TLE6: variants seen among roughly 807,000 people sequenced by gnomAD.
TLE6 encodes the protein transducin-like enhancer protein 6.
TLE6 carries 72 observed loss-of-function variants against 77.1 expected under a neutral mutation model. The observed-to-expected ratio is 0.93, with a 90% confidence interval of 0.77 to 1.14. The LOEUF is 1.14. TLE6 is among the 50% of genes most tolerant of loss of function. TLE6 has a pLI of 0.00. For synonymous variants in TLE6, 366 were observed against 287.3 expected (o/e 1.27, Z -2.77); for missense variants, 843 against 747.6 (o/e 1.13, Z -1.49).
Position 2,980,217 on chromosome 19 carries a change from T to TGGGAAG in TLE6, c.134+37_134+42dup, listed in dbSNP as rs1308715086. On this transcript the variant is annotated intron_variant, in intron 3 of 16. Coordinates refer to ENST00000246112, the MANE Select transcript of TLE6 (RefSeq NM_001143986.2). The stretch of plus-strand genomic sequence containing the variant: ...ATTCCAGGGGCCGGAGGTCTCACGC[T>TGGGAAG]GGGAAGGAGCCCCACCTGGCCTCTC... 3 of 1,526,134 alleles carry TGGGAAG rather than the reference T, an allele frequency of 2.0e-6. No individual in the cohort carries two copies. The East Asian group carries it at 7.4e-5, about 38-fold the overall frequency. The allele number at this position is 1,526,134 out of a possible 1,614,324, so 94.5% of individuals were successfully genotyped here. A position where few individuals can be genotyped will look rare whatever the true frequency, so the allele number is the denominator to read the frequency against.
chr19:2,987,993 C>T lies in TLE6; in HGVS notation c.702+19C>T. The T allele has an allele frequency of 1.9e-6, 3 of 1,605,944 alleles. No homozygotes were observed. The highest frequency in any genetic ancestry group is 2.6e-6 in the Non-Finnish European group (3 of 1,176,212). ...GGTCCAGGTGAGACCCAGGCCCGAG[C>T]TGGTAGCCCAGCGTGAAGGCTGCCC... On this transcript the variant is annotated intron_variant, in intron 10 of 16. Transcript: ENST00000246112.
At chr19:2,978,419 C>G in intron 2 of TLE6, 135 bp downstream of exon 2, 1 of 832,356 alleles carries the variant, frequency 1.2e-6, no homozygotes, top group South Asian at 1.6e-5. Flanking sequence ...CGCTGCTACA[C>G]TCAAGACAGG....
chr19:2,985,613 G>A (rs1189672844), intron 5 of TLE6, among the ~76,000 whole-genome samples: 2 of 145,860 alleles, frequency 1.4e-5, no homozygotes, highest in African/African-American at 5.0e-5. Context: ...TAGAGATGGA[G>A]TTTCACCATG....
chr19:2,994,101 G>A lies in TLE6; in HGVS notation c.1614+6G>A, dbSNP rs1473857299. The stretch of plus-strand genomic sequence containing the variant: ...CGGGGACAAAAGTGTTCGAGGTACT[G>A]CGGTGGGCTGGGGGCAGGACCCGGG... On this transcript the variant is annotated splice_donor_region_variant and intron_variant, in intron 16 of 16. Coordinates refer to ENST00000246112, the MANE Select transcript of TLE6 (RefSeq NM_001143986.2). 4 of 1,512,702 alleles carry A rather than the reference G, an allele frequency of 2.6e-6. No individual in the cohort carries two copies. The highest frequency in any genetic ancestry group is 2.5e-5 in the East Asian group (1 of 39,640). The allele number at this position is 1,512,702 out of a possible 1,614,324, so 93.7% of individuals were successfully genotyped here. A position where few individuals can be genotyped will look rare whatever the true frequency, so the allele number is the denominator to read the frequency against.
chr19:2,993,026 T>TAAAAA (rs377287142), intron 14 of TLE6, among the ~76,000 whole-genome samples: 31 of 48,350 alleles, frequency 6.4e-4, no homozygotes, highest in African/African-American at 2.0e-3. Context: ...CCGTCTCTAC[T>TAAAAA]AAAAAAAAAA....
rs746086010 is a variant in TLE6 at position 2,987,002 on chromosome 19, C to A, written c.305C>A (p.Ala102Asp). 1 of 1,612,570 alleles carries A rather than the reference C, an allele frequency of 6.2e-7. No homozygotes were observed. The highest frequency in any genetic ancestry group is 2.2e-5 in the East Asian group (1 of 44,830). The change falls in exon 7 of 17, where the codon GCC becomes GAC. Residue 102 changes from alanine (A) to aspartate (D), a missense_variant. Ala to Asp is a moderately radical substitution (Grantham distance 126). Transcript: ENST00000246112. ...QSEEVSPAEP[A>D]SPGTPQQVKD... is the part of the protein sequence containing the mutation. Reference sequence around the variant, plus strand: ...GGCCAGGTCTCACCTGCTGAACCAGCCAGCCCTGGGACGCCCCAGCAGGTG... The same window carrying A: ...GGCCAGGTCTCACCTGCTGAACCAGACAGCCCTGGGACGCCCCAGCAGGTG...
chr19:2,988,970 A>G (rs1382597503), intron 11 of TLE6, 91 bp from the exon 12 acceptor site: 2 of 1,543,102 alleles, frequency 1.3e-6, no homozygotes, highest in Non-Finnish European at 1.7e-6. Flanking sequence ...CAAAATCTGA[A>G]AAAGAAGCCC....
In TLE6 at chr19:2,988,329, G is replaced by A. The variant is rs1289003917; in HGVS notation, c.740+201G>A. ...GTGCAGTGTTAGGCCGGGCGCGGTG[G>A]CTCACGCCTGTAATCCCAGCACTTT... On this transcript the variant is annotated intron_variant, in intron 11 of 16. Transcript: ENST00000246112. Among the ~76,000 whole-genome samples, 5 of 152,078 alleles carry A rather than the reference G, an allele frequency of 3.3e-5. No individual in the cohort carries two copies. In the East Asian group the frequency reaches 7.7e-4, roughly 23 times the overall value.
At chr19:2,983,115 C>T (rs552506752) in intron 5 of TLE6, among the ~76,000 whole-genome samples, 8 of 152,242 alleles carry the variant, frequency 5.3e-5, no homozygotes, top group Non-Finnish European at 8.8e-5. Context: ...GGCCCAGGGC[C>T]GTGTCTGCAA....
At chr19:2,981,657 T>G in intron 4 of TLE6, 74 bp downstream of exon 4, 1 of 1,481,942 alleles carries the variant, frequency 6.7e-7, no homozygotes, top group East Asian at 2.5e-5. Context: ...TTCCCGGCCC[T>G]GCCTCCTGAG....
intron 16 of TLE6, among the ~76,000 whole-genome samples, chr19:2,994,527 G>A (rs957263053): frequency 2.6e-5 from 4 of 152,158 alleles, no homozygotes; most frequent in Admixed American, 1.3e-4. Flanking sequence ...GGAGAATGGC[G>A]TGAGCCAGGG....
Position 2,982,193 on chromosome 19 carries a change from G to A in TLE6, c.222+4G>A, listed in dbSNP as rs569228512. The A allele has an allele frequency of 9.5e-5, 147 of 1,551,348 alleles. No individual in the cohort carries two copies. The Middle Eastern group carries it at 1.0e-3, about 11-fold the overall frequency. The stretch of plus-strand genomic sequence containing the variant: ...TGTGGCAGAACATCACAAGCAGGTG[G>A]GTGACCAGGAGCTCAGGGGTGCGGC... On this transcript the variant is annotated splice_donor_region_variant and intron_variant, in intron 5 of 16. Transcript: ENST00000246112.
intron 5 of TLE6, among the ~76,000 whole-genome samples, chr19:2,982,465 G>A (rs1287869658): frequency 1.3e-5 from 2 of 151,264 alleles, no homozygotes; most frequent in African/African-American, 4.9e-5. Flanking sequence ...TTGAACCCGG[G>A]AGGTGGAGAT....
intron 11 of TLE6, 26 bp downstream of exon 11, chr19:2,988,154 G>C (rs779178224): frequency 2.6e-6 from 4 of 1,551,030 alleles, no homozygotes; most frequent in Middle Eastern, 1.7e-4. Context: ...GTTTGCTTTT[G>C]GGCGGGGTGA....
chr19:2,981,610 C>G (rs762523501), intron 4 of TLE6, 27 bp downstream of exon 4: 2 of 1,551,032 alleles, frequency 1.3e-6, no homozygotes, highest in South Asian at 1.2e-5. Context: ...CAGCCCCAAC[C>G]AAGGAGGGCC....
intron 15 of TLE6, 44 bp from the exon 16 acceptor site, chr19:2,993,975 A>G (rs1452148847): frequency 6.5e-7 from 1 of 1,527,920 alleles, no homozygotes; most frequent in Admixed American, 1.9e-5. Context: ...TGGGAAGGAA[A>G]AAGGTAGTGG....
intron 1 of TLE6, among the ~76,000 whole-genome samples, 194 bp from the exon 2 acceptor site, chr19:2,978,004 G>A (rs754045892): frequency 1.5e-4 from 23 of 152,012 alleles, no homozygotes; most frequent in Non-Finnish European, 2.8e-4. Flanking sequence ...CTGGGTCCCC[G>A]CCCCCATGAA....
At position 2,981,822 on chromosome 19, in the gene TLE6, AT is replaced by A. The variant is rs2088803665; in HGVS notation, c.180+241del. ...CCCTGTCTCTACTAAAAATACAAAA[AT>A]TAGCCGGGCATGGTGGCAGGTGCCT... On this transcript the variant is annotated intron_variant, in intron 4 of 16. Transcript: ENST00000246112. Among the ~76,000 whole-genome samples the A allele has an allele frequency of 2.6e-5, 4 of 151,998 alleles. No individual in the cohort carries two copies. In the South Asian group the frequency reaches 8.3e-4, roughly 32 times the overall value.
Position 2,993,598 on chromosome 19 carries a change from A to G in TLE6, c.1537+16A>G. 2 of 1,540,002 alleles carry G rather than the reference A, an allele frequency of 1.3e-6. No homozygotes were observed. The highest frequency in any genetic ancestry group is 1.2e-5 in the South Asian group (1 of 80,504). On this transcript the variant is annotated intron_variant, in intron 15 of 16. Transcript: ENST00000246112. ...TCCCCCTTTGGTAAGCGGCTGGCGG[A>G]AGATGAGGGGACTCCCCTGCAGCCC...
Sources: allele counts gnomAD v4.1 joint callset (sites outside exome capture counted in the v4.1 genomes callset), GRCh38; gene constraint gnomAD v4.1.1; transcripts MANE v1.5; gene names NCBI Gene and HGNC (gene_info 2026-07-23, HGNC 2026-07-21).